SPTSSA: variants seen among roughly 807,000 people sequenced by gnomAD.
SPTSSA encodes the protein serine palmitoyltransferase small subunit A.
SPTSSA carries 8 observed loss-of-function variants against 9.1 expected under a neutral mutation model. The ratio of observed to expected loss-of-function variants is 0.88; its 90% confidence interval spans 0.51 to 1.58. The LOEUF is 1.58. Ranked by LOEUF, SPTSSA falls within the 40% of genes most tolerant of loss-of-function variation. The pLI, the probability that SPTSSA is intolerant of heterozygous loss-of-function variation, is 0.00. For missense variants in SPTSSA, 100 were observed against 93.8 expected (o/e 1.07, Z -0.27); for synonymous variants, 42 against 37.7 (o/e 1.11, Z -0.41).
intron 1 of SPTSSA, among the ~76,000 whole-genome samples, chr14:34,442,308 T>C (rs1883330838): frequency 6.6e-6 from 1 of 152,240 alleles, no homozygotes; most frequent in Non-Finnish European, 1.5e-5. Flanking sequence ...TTACACTAAA[T>C]TTTTCCTTTA....
At chr14:34,447,225 TAA>T (rs79063928) in intron 1 of SPTSSA, among the ~76,000 whole-genome samples, 12,424 of 84,804 alleles carry the variant, frequency 0.15, 744 homozygotes, top group East Asian at 0.26. Flanking sequence ...CTCCATCTCT[TAA>T]AAAAAAAAAA....
At chr14:34,461,251 T>C (rs1878609588) in intron 1 of SPTSSA, among the ~76,000 whole-genome samples, 1 of 152,192 alleles carries the variant, frequency 6.6e-6, no homozygotes, top group South Asian at 2.1e-4. Context: ...GATGTCAATA[T>C]GGACAAGCAG....
intron 1 of SPTSSA, among the ~76,000 whole-genome samples, chr14:34,456,265 T>C (rs938168961): frequency 2.0e-5 from 3 of 151,912 alleles, no homozygotes; most frequent in Non-Finnish European, 2.9e-5. Context: ...GAGATTGCAG[T>C]GAGCTGAGAT....
intron 1 of SPTSSA, among the ~76,000 whole-genome samples, chr14:34,445,495 T>C (rs750802791): frequency 2.0e-5 from 3 of 152,100 alleles, no homozygotes; most frequent in Non-Finnish European, 2.9e-5. Context: ...AGCAAGACTC[T>C]GTCTCAAAAA....
chr14:34,449,812 G>T (rs1883488219), intron 1 of SPTSSA, among the ~76,000 whole-genome samples: 1 of 152,162 alleles, frequency 6.6e-6, no homozygotes, highest in East Asian at 1.9e-4. Flanking sequence ...CTAGGCATTG[G>T]TTTTATTGTC....
intron 1 of SPTSSA, among the ~76,000 whole-genome samples, chr14:34,448,538 CT>C (rs1054620993): frequency 1.3e-5 from 2 of 152,090 alleles, no homozygotes; most frequent in Non-Finnish European, 1.5e-5. Context: ...GACTTTGTAA[CT>C]TTACTTCATC....
At chr14:34,451,080 CTATAA>C (rs1472390493) in intron 1 of SPTSSA, among the ~76,000 whole-genome samples, 1 of 150,714 alleles carries the variant, frequency 6.6e-6, no homozygotes, top group East Asian at 1.9e-4. Context: ...AAAAAAAGTC[CTATAA>C]TAAAGAGAGG....
At chr14:34,451,034 T>C (rs2138829420) in intron 1 of SPTSSA, among the ~76,000 whole-genome samples, 1 of 152,026 alleles carries the variant, frequency 6.6e-6, no homozygotes, top group African/African-American at 2.4e-5. Flanking sequence ...TTTTTTTTTT[T>C]TGGCCCATAA....
chr14:34,438,226 AACAAC>A (rs2138817003), intron 1 of SPTSSA, among the ~76,000 whole-genome samples: 1 of 152,236 alleles, frequency 6.6e-6, no homozygotes, highest in East Asian at 1.9e-4. Context: ...TCATAACTTA[AACAAC>A]TACAGGTTGA....
intron 1 of SPTSSA, among the ~76,000 whole-genome samples, chr14:34,456,437 A>G (rs1878471217): frequency 6.6e-6 from 1 of 152,226 alleles, no homozygotes; most frequent in Admixed American, 6.5e-5. Flanking sequence ...AAATGTTTTC[A>G]AGACACATGA....
chr14:34,436,064 G>C (rs1397002888), intron 1 of SPTSSA, among the ~76,000 whole-genome samples: 1 of 152,142 alleles, frequency 6.6e-6, no homozygotes, highest in African/African-American at 2.4e-5. Flanking sequence ...AAGAATTTTA[G>C]AATTAGACTA....
At chr14:34,450,855 A>G (rs1883507707) in intron 1 of SPTSSA, among the ~76,000 whole-genome samples, 1 of 152,170 alleles carries the variant, frequency 6.6e-6, no homozygotes, top group Non-Finnish European at 1.5e-5. Context: ...GAACAATCAG[A>G]GGTTATTCAT....
intron 1 of SPTSSA, among the ~76,000 whole-genome samples, chr14:34,447,225 TA>T (rs79063928): frequency 0.036 from 3,031 of 85,224 alleles, 127 homozygotes; most frequent in African/African-American, 0.12. Context: ...CTCCATCTCT[TA>T]AAAAAAAAAA....
chr14:34,455,384 C>CA (rs894227119), intron 1 of SPTSSA, among the ~76,000 whole-genome samples: 9 of 147,714 alleles, frequency 6.1e-5, no homozygotes, highest in African/African-American at 2.0e-4. Flanking sequence ...GAAACTGTCT[C>CA]AAAAAAAGAA....
At chr14:34,455,391 A>G (rs1002238536) in intron 1 of SPTSSA, among the ~76,000 whole-genome samples, 5 of 152,096 alleles carry the variant, frequency 3.3e-5, no homozygotes, top group Non-Finnish European at 5.9e-5. Context: ...TCTCAAAAAA[A>G]GAAAAAAAAA....
chr14:34,451,640 G>A (rs1272239247), intron 1 of SPTSSA, among the ~76,000 whole-genome samples: 1 of 150,764 alleles, frequency 6.6e-6, no homozygotes, highest in Admixed American at 6.6e-5. Flanking sequence ...GGAGAATGGC[G>A]TGAACTCGGG....
intron 1 of SPTSSA, among the ~76,000 whole-genome samples, chr14:34,450,267 T>C (rs938053395): frequency 6.6e-6 from 1 of 152,220 alleles, no homozygotes; most frequent in East Asian, 1.9e-4. Context: ...TACAGTGTAA[T>C]CCTGGGATGA....
chr14:34,443,699 G>C (rs530946317), intron 1 of SPTSSA, among the ~76,000 whole-genome samples: 6 of 151,950 alleles, frequency 3.9e-5, no homozygotes, highest in South Asian at 2.1e-4. Flanking sequence ...CCACACCCAG[G>C]TAATTTTTGT....
intron 1 of SPTSSA, among the ~76,000 whole-genome samples, chr14:34,452,139 C>A (rs1043059698): frequency 4.6e-5 from 7 of 151,456 alleles, no homozygotes; most frequent in Admixed American, 4.6e-4. Context: ...TTCCCAGCTA[C>A]TCGGGAGGCT....
Sources: allele counts gnomAD v4.1 joint callset (sites outside exome capture counted in the v4.1 genomes callset), GRCh38; gene constraint gnomAD v4.1.1; transcripts MANE v1.5; gene names NCBI Gene and HGNC (gene_info 2026-07-23, HGNC 2026-07-21).